ST14: variants seen among roughly 807,000 people sequenced by gnomAD.
The protein encoded by ST14 is ST14 transmembrane serine protease matriptase.
A neutral mutation model predicts 96.5 loss-of-function variants in ST14; 40 were observed. The observed-to-expected ratio is 0.41, with a 90% CI of 0.32 to 0.54. The LOEUF (loss-of-function observed/expected upper bound fraction) is 0.54. Ranked by LOEUF, ST14 falls within the 20% of genes least tolerant of loss-of-function variation. The pLI, the probability that ST14 is intolerant of heterozygous loss-of-function variation, is 0.17. For missense variants in ST14, 1,066 were observed against 1,188.9 expected, an observed-to-expected ratio of 0.90 and a Z score of 1.52; for synonymous variants, 506 against 492.1, an observed-to-expected ratio of 1.03 and a Z score of -0.37.
chr11:130,185,409 T>C (rs974828846), intron 1 of ST14, among the ~76,000 whole-genome samples: 2 of 152,052 alleles, frequency 1.3e-5, no homozygotes, highest in Admixed American at 6.6e-5. Context: ...GAAAATCACT[T>C]TGGGAGGCTG....
chr11:130,201,026 C>T (rs911962383), intron 16 of ST14, among the ~76,000 whole-genome samples: 4 of 152,238 alleles, frequency 2.6e-5, no homozygotes, highest in Non-Finnish European at 5.9e-5. Flanking sequence ...AGTATCAGCT[C>T]CCACCCTTAG....
Position 130,181,772 on chromosome 11 carries a change from T to C in ST14, c.82-6342T>C, listed in dbSNP as rs75979671. On this transcript the variant is annotated intron_variant, in intron 1 of 18. Transcript: ENST00000278742. This position sits in a 1 kb window ranked among gnomAD's most constrained non-coding sequence, Gnocchi z 4.1. Reference sequence around the variant, plus strand: ...TCTTATCAATAAAACGATGGGATTATGCAACAGTATCTCTGTTACACCTGA... The same window carrying C: ...TCTTATCAATAAAACGATGGGATTACGCAACAGTATCTCTGTTACACCTGA... Among the ~76,000 whole-genome samples the C allele has an allele frequency of 4.9e-3, 747 of 152,342 alleles. 7 individuals carry two copies. The highest frequency in any genetic ancestry group is 0.016 in the African/African-American group (680 of 41,578).
intron 9 of ST14, among the ~76,000 whole-genome samples, chr11:130,195,017 G>A (rs1432740561): frequency 1.3e-5 from 2 of 152,136 alleles, no homozygotes; most frequent in Admixed American, 1.3e-4. Flanking sequence ...GGAGACCAAG[G>A]CAGGAGGATC....
chr11:130,179,663 A>C (rs1019487256), intron 1 of ST14, among the ~76,000 whole-genome samples: 39 of 152,298 alleles, frequency 2.6e-4, no homozygotes, highest in African/African-American at 8.9e-4. Flanking sequence ...TCCTAGCCGG[A>C]GACAGGTCCC....
chr11:130,205,530 C>G (rs189825844), intron 16 of ST14, among the ~76,000 whole-genome samples: 244 of 152,196 alleles, frequency 1.6e-3, no homozygotes, highest in Non-Finnish European at 2.7e-3. Context: ...AGAACCATTT[C>G]CCAACTGGGG....
chr11:130,179,505 C>A (rs1478819721), intron 1 of ST14, among the ~76,000 whole-genome samples: 2 of 152,168 alleles, frequency 1.3e-5, no homozygotes, highest in Admixed American at 1.3e-4. Context: ...TTTTATGAGG[C>A]CCCGTGCTGG....
At chr11:130,162,038 T>C (rs1953002412) in intron 1 of ST14, among the ~76,000 whole-genome samples, 1 of 152,146 alleles carries the variant, frequency 6.6e-6, no homozygotes, top group African/African-American at 2.4e-5. Context: ...AGGATGTCCA[T>C]CCCCGGCCGG....
chr11:130,173,025 G>A (rs529167503), intron 1 of ST14, among the ~76,000 whole-genome samples: 3 of 152,254 alleles, frequency 2.0e-5, no homozygotes, highest in African/African-American at 4.8e-5. Context: ...AGGGTGTGGC[G>A]TCACCACGCG....
At chr11:130,170,655 C>T (rs1469703913) in intron 1 of ST14, among the ~76,000 whole-genome samples, 5 of 151,604 alleles carry the variant, frequency 3.3e-5, no homozygotes, top group Non-Finnish European at 7.4e-5. Flanking sequence ...GGTTCCTAAC[C>T]GAGAGGTTAG....
intron 11 of ST14, 148 bp from the exon 12 acceptor site, chr11:130,197,693 T>C (rs1953381908): frequency 1.5e-6 from 1 of 647,768 alleles, no homozygotes; most frequent in South Asian, 1.9e-5. Context: ...CACAGCTTGG[T>C]GGGCCTGGGT....
At position 130,190,591 on chromosome 11, in the gene ST14, C is replaced by T; in HGVS notation, c.772C>T (p.Leu258Phe). 6.2e-7 allele frequency: 1 copy of T among 1,613,140 alleles called. No homozygotes were observed. The highest frequency in any genetic ancestry group is 8.5e-7 in the Non-Finnish European group (1 of 1,179,876). The change falls in exon 7 of 19, where the codon CTC becomes TTC. Residue 258 changes from leucine (L) to phenylalanine (F), a missense_variant. By Grantham distance (22) the Leu-to-Phe change is conservative (BLOSUM62 0). Coordinates refer to ENST00000278742, the MANE Select transcript of ST14 (RefSeq NM_021978.4). ...GGGGGACGCCGACTCAGTGCTGAGC[C>T]TCACCTTCCGCAGCTTTGACCTTGC... Reference protein sequence around the residue: ...LRGDADSVLSLTFRSFDLASC... With the variant: ...LRGDADSVLSFTFRSFDLASC...
At chr11:130,180,719 GC>G (rs1953184110) in intron 1 of ST14, among the ~76,000 whole-genome samples, 1 of 152,236 alleles carries the variant, frequency 6.6e-6, no homozygotes, top group Non-Finnish European at 1.5e-5. Context: ...TCAGCATTTA[GC>G]TTTCAGCCCT....
At chr11:130,199,424 C>T (rs1460395179) in intron 15 of ST14, among the ~76,000 whole-genome samples, 3 of 152,194 alleles carry the variant, frequency 2.0e-5, no homozygotes, top group Non-Finnish European at 4.4e-5. Context: ...AGGGTGTCAC[C>T]CCTGCCTGCC....
intron 1 of ST14, among the ~76,000 whole-genome samples, chr11:130,166,490 G>A (rs1029620355): frequency 2.0e-5 from 3 of 152,196 alleles, no homozygotes; most frequent in Admixed American, 1.3e-4. Flanking sequence ...ACCCCTTCCT[G>A]GGTTCTGTGC....
At chr11:130,205,467 G>A (rs1953475469) in intron 16 of ST14, among the ~76,000 whole-genome samples, 1 of 152,148 alleles carries the variant, frequency 6.6e-6, no homozygotes, top group South Asian at 2.1e-4. Flanking sequence ...TACATTCAGT[G>A]ATTGAGTTAA....
intron 6 of ST14, 112 bp downstream of exon 6, chr11:130,190,260 T>C: frequency 2.0e-6 from 3 of 1,511,466 alleles, no homozygotes; most frequent in Non-Finnish European, 2.7e-6. Flanking sequence ...AAGTATATTA[T>C]GACGATCTTT....
In ST14 at chr11:130,209,951, A is replaced by G. The variant is rs773859030; in HGVS notation, c.*128A>G. 4 of 1,160,244 alleles carry G rather than the reference A, an allele frequency of 3.4e-6. No homozygotes were observed. The highest frequency in any genetic ancestry group is 4.8e-6 in the Non-Finnish European group (4 of 825,912). The allele number at this position is 1,160,244 out of a possible 1,614,324, so 71.9% of individuals were successfully genotyped here. ...CCCCAGAACATACACTGTGAACTCA[A>G]TCTCCAGGGCTCCAAATCTGCCTAG... On this transcript the variant is annotated 3_prime_UTR_variant, in exon 19 of 19. Coordinates refer to ENST00000278742, the MANE Select transcript of ST14 (RefSeq NM_021978.4).
intron 16 of ST14, 53 bp downstream of exon 16, chr11:130,200,190 G>T: frequency 6.2e-7 from 1 of 1,601,756 alleles, no homozygotes; most frequent in South Asian, 1.1e-5. Context: ...TTTGCATCTG[G>T]GAGTAATGCC....
intron 1 of ST14, among the ~76,000 whole-genome samples, chr11:130,183,372 G>A (rs1416008633): frequency 6.6e-6 from 1 of 152,184 alleles, no homozygotes; most frequent in Non-Finnish European, 1.5e-5. Flanking sequence ...GATGTCTAAA[G>A]AAAACCCAGC....
Sources: allele counts gnomAD v4.1 joint callset (sites outside exome capture counted in the v4.1 genomes callset), GRCh38; gene constraint gnomAD v4.1.1; non-coding constraint Gnocchi (gnomAD v3.1); transcripts MANE v1.5; gene names NCBI Gene and HGNC (gene_info 2026-07-23, HGNC 2026-07-21).